The following PIK3C3 variants were observed in gnomAD, a reference collection of about 807,000 sequenced individuals.
The protein encoded by PIK3C3 is phosphatidylinositol 3-kinase catalytic subunit type 3, also known as PI3-kinase type 3.
PIK3C3 carries 95 observed loss-of-function variants against 126.1 expected under a neutral mutation model. That is an observed-to-expected ratio of 0.75 (90% confidence interval 0.64 to 0.89). The LOEUF (loss-of-function observed/expected upper bound fraction) is 0.89. Ranked by LOEUF, PIK3C3 falls within the 40% of genes least tolerant of loss-of-function variation. PIK3C3 has a pLI of 0.00. For missense variants in PIK3C3, 829 were observed against 1,063.2 expected (o/e 0.78, Z 3.06); for synonymous variants, 374 against 360.0 (o/e 1.04, Z -0.44).
chr18:41,991,992 A>G (rs967225870), intron 6 of PIK3C3, among the ~76,000 whole-genome samples: 1 of 152,220 alleles, frequency 6.6e-6, no homozygotes, highest in Non-Finnish European at 1.5e-5. Context: ...TTGCAAAAAC[A>G]TGCTAATGGA....
chr18:42,046,116 A>T (rs1464708866), intron 20 of PIK3C3, among the ~76,000 whole-genome samples: 2 of 152,036 alleles, frequency 1.3e-5, no homozygotes, highest in Non-Finnish European at 2.9e-5. Flanking sequence ...TATCTTACCT[A>T]TTGGACAGTT....
chr18:42,058,171 C>T (rs1985158204), intron 22 of PIK3C3, 120 bp downstream of exon 22: 3 of 704,384 alleles, frequency 4.3e-6, no homozygotes, highest in Non-Finnish European at 6.5e-6. Flanking sequence ...ATGACAAAGG[C>T]AACAATATTT....
rs1189276553 is a variant in PIK3C3, at chr18:41,961,900, A to G, written c.258-589A>G. ...AGAATATATACAGATGTGCTTTGAA[A>G]GCATAAAGCACTAATAGCTTAATGT... is the stretch of plus-strand genomic sequence containing the variant. On this transcript the variant is annotated intron_variant, in intron 2 of 24. Transcript: ENST00000262039. Among the ~76,000 whole-genome samples the G allele has an allele frequency of 4.6e-5, 7 of 152,216 alleles. No homozygotes were observed. In the South Asian group the frequency reaches 1.0e-3, roughly 22 times the overall value.
chr18:42,075,271 G>C (rs1985932479), intron 24 of PIK3C3, among the ~76,000 whole-genome samples: 1 of 152,036 alleles, frequency 6.6e-6, no homozygotes, highest in African/African-American at 2.4e-5. Context: ...TGATTTGGGG[G>C]TCAAATAGAA....
At chr18:42,075,176 A>G (rs1414282049) in intron 24 of PIK3C3, among the ~76,000 whole-genome samples, 1 of 152,168 alleles carries the variant, frequency 6.6e-6, no homozygotes, top group Non-Finnish European at 1.5e-5. Context: ...ATCATTTCTG[A>G]GTTTCCATTT....
intron 24 of PIK3C3, among the ~76,000 whole-genome samples, chr18:42,080,711 C>G (rs924143200): frequency 6.6e-6 from 1 of 152,162 alleles, no homozygotes; most frequent in African/African-American, 2.4e-5. Flanking sequence ...AGTAGTTGCA[C>G]TCTCTGGGAT....
At chr18:42,029,534 A>ATTTTTTT (rs57593886) in intron 15 of PIK3C3, 93 bp downstream of exon 15, 3 of 212,750 alleles carry the variant, frequency 1.4e-5, no homozygotes, top group African/African-American at 4.6e-5. Context: ...TGATACGTGA[A>ATTTTTTT]TTTTTTTTTT....
chr18:41,981,022 A>G (rs1981172004), intron 4 of PIK3C3, among the ~76,000 whole-genome samples: 1 of 152,226 alleles, frequency 6.6e-6, no homozygotes, highest in Non-Finnish European at 1.5e-5. Flanking sequence ...CATTGATGTC[A>G]TTGATATCAC....
At chr18:41,962,819 G>A (rs1009127233) in intron 3 of PIK3C3, among the ~76,000 whole-genome samples, 187 bp downstream of exon 3, 1 of 152,126 alleles carries the variant, frequency 6.6e-6, no homozygotes, top group African/African-American at 2.4e-5. Flanking sequence ...AGATAGATTA[G>A]GAAATACAAT....
rs767356254 is a variant in PIK3C3, at chr18:41,955,355, A to C, written c.64A>C (p.Lys22Gln). 1.2e-6 allele frequency: 2 copies of C among 1,612,798 alleles called. No individual in the cohort carries two copies. The highest frequency in any genetic ancestry group is 4.5e-5 in the East Asian group (2 of 44,834). ...TGACCTGGATATCAACGTCCAGCTT[A>C]AGATGTAAGAGAACACTCGGGACAG... ...SCDLDINVQLKIGSLEGKREQ... is the reference protein window; with the variant it reads ...SCDLDINVQLQIGSLEGKREQ... The change falls in exon 1 of 25, where the codon AAG becomes CAG. Residue 22 changes from lysine (K) to glutamine (Q), a missense_variant. Coordinates refer to ENST00000262039, the MANE Select transcript of PIK3C3 (RefSeq NM_002647.4).
chr18:42,055,687 G>T (rs1985031919), intron 21 of PIK3C3, among the ~76,000 whole-genome samples: 1 of 152,020 alleles, frequency 6.6e-6, no homozygotes, highest in Non-Finnish European at 1.5e-5. Flanking sequence ...ATAGAGTTTG[G>T]ATTATAAGGA....
intron 24 of PIK3C3, among the ~76,000 whole-genome samples, chr18:42,080,708 G>A (rs1197996761): frequency 6.6e-6 from 1 of 152,132 alleles, no homozygotes; most frequent in Non-Finnish European, 1.5e-5. Flanking sequence ...TGAAGTAGTT[G>A]CACTCTCTGG....
chr18:41,963,779 TC>T (rs1045555097), intron 3 of PIK3C3, among the ~76,000 whole-genome samples: 18 of 152,050 alleles, frequency 1.2e-4, no homozygotes, highest in African/African-American at 4.3e-4. Flanking sequence ...ATGTACTTTG[TC>T]CTTTTTAGAA....
rs1985944840 is a variant in PIK3C3 at position 42,075,644 on chromosome 18, T to G, written c.2650-5479T>G. ...AAAGCCCAGATTCAAACTCAAAATA[T>G]TTTGAGTCCCAGATCTAGTCCTATA... On this transcript the variant is annotated intron_variant, in intron 24 of 24. Coordinates refer to ENST00000262039, the MANE Select transcript of PIK3C3 (RefSeq NM_002647.4). Among the ~76,000 whole-genome samples the G allele has an allele frequency of 3.3e-5, 5 of 151,326 alleles. No homozygotes were observed. The South Asian group carries it at 1.0e-3, about 31-fold the overall frequency.
chr18:42,054,240 A>G lies in PIK3C3; in HGVS notation c.2264-3643A>G, dbSNP rs187491710. Among the ~76,000 whole-genome samples, 182 of 141,596 alleles carry G rather than the reference A, an allele frequency of 1.3e-3. 2 individuals are homozygous for G. The highest frequency in any genetic ancestry group is 4.6e-3 in the African/African-American group (176 of 38,192). 92.9% of individuals were successfully genotyped at this position (141,596 alleles called of 152,430 possible). Reference sequence around the variant, plus strand: ...ACTCATACATTCACAAGGTCCCATTATAGGCTGTCTGCAGGCTGAGGAGCA... The same window carrying G: ...ACTCATACATTCACAAGGTCCCATTGTAGGCTGTCTGCAGGCTGAGGAGCA... On this transcript the variant is annotated intron_variant, in intron 21 of 24. Coordinates refer to ENST00000262039, the MANE Select transcript of PIK3C3 (RefSeq NM_002647.4).
chr18:42,052,637 CTA>C (rs1984855563), intron 21 of PIK3C3: 1 of 152,080 alleles, frequency 6.6e-6, no homozygotes, highest in African/African-American at 2.4e-5. Context: ...GTTTGTGTCT[CTA>C]GTCATTTTTA....
intron 11 of PIK3C3, among the ~76,000 whole-genome samples, chr18:42,014,026 A>G (rs1442141027): frequency 2.0e-5 from 3 of 152,126 alleles, no homozygotes; most frequent in South Asian, 2.1e-4. Flanking sequence ...AAATAGAAGG[A>G]GCAGGTGTGG....
intron 13 of PIK3C3, among the ~76,000 whole-genome samples, chr18:42,023,958 G>A (rs1354621205): frequency 4.6e-5 from 7 of 152,160 alleles, no homozygotes; most frequent in Non-Finnish European, 1.0e-4. Flanking sequence ...AAAATGAATA[G>A]TGTCAACCTT....
chr18:42,032,402 G>C (rs1054447486), intron 15 of PIK3C3, among the ~76,000 whole-genome samples: 1 of 152,142 alleles, frequency 6.6e-6, no homozygotes, highest in Non-Finnish European at 1.5e-5. Context: ...ATTTTGAATA[G>C]CAGGGTAACA....
Sources: allele counts gnomAD v4.1 joint callset (sites outside exome capture counted in the v4.1 genomes callset), GRCh38; gene constraint gnomAD v4.1.1; transcripts MANE v1.5; gene names NCBI Gene and HGNC (gene_info 2026-07-23, HGNC 2026-07-21).